The following ARHGEF33 variants were observed in gnomAD, a reference collection of about 807,000 sequenced individuals.
ARHGEF33 encodes Rho guanine nucleotide exchange factor 33, also known as DH and coiled-coil domain-containing protein ENSP00000381780.
In ARHGEF33, 72 loss-of-function variants were observed where a neutral mutation model predicts 101.9. That is an observed-to-expected ratio of 0.71 (90% CI 0.58 to 0.86). The LOEUF is 0.86. Ranked by LOEUF, ARHGEF33 falls within the 40% of genes least tolerant of loss-of-function variation. The probability of loss-of-function intolerance (pLI) is 0.00; values close to 1 mark genes in which losing one functional copy is unlikely to be tolerated. For missense variants in ARHGEF33, 1,169 were observed against 1,111.3 expected (o/e 1.05, Z -0.74); for synonymous variants, 499 against 442.5 (o/e 1.13, Z -1.60).
At chr2:38,897,403 C>T (rs1051010195) in intron 2 of ARHGEF33, among the ~76,000 whole-genome samples, 2 of 152,182 alleles carry the variant, frequency 1.3e-5, no homozygotes, top group African/African-American at 4.8e-5. Context: ...TACCTCTAAA[C>T]AATAACTGAA....
chr2:38,908,055 G>A (rs534607372), intron 2 of ARHGEF33, among the ~76,000 whole-genome samples: 4 of 151,702 alleles, frequency 2.6e-5, no homozygotes, highest in Non-Finnish European at 5.9e-5. Context: ...TGTAAAGATA[G>A]GGTCTCACTA....
intron 10 of ARHGEF33, among the ~76,000 whole-genome samples, chr2:38,949,316 G>A (rs1473944289): frequency 6.6e-6 from 1 of 152,162 alleles, no homozygotes; most frequent in African/African-American, 2.4e-5. Flanking sequence ...AACTTGCGGT[G>A]CTGAAAGCAT....
intron 17 of ARHGEF33, among the ~76,000 whole-genome samples, chr2:38,970,781 T>C (rs1338620750): frequency 2.6e-5 from 4 of 152,236 alleles, no homozygotes; most frequent in Non-Finnish European, 5.9e-5. Flanking sequence ...GCTCATTTCC[T>C]TTGGGCTCTC....
rs140881614 is a variant in ARHGEF33 at position 38,920,964 on chromosome 2, G to A, written c.26-410G>A. 2.6e-5 allele frequency among the ~76,000 whole-genome samples: 4 copies of A among 152,208 alleles called. No homozygotes were observed. The East Asian group carries it at 7.7e-4, about 29-fold the overall frequency. On this transcript the variant is annotated intron_variant, in intron 3 of 17. Coordinates refer to ENST00000409978, the MANE Select transcript of ARHGEF33 (RefSeq NM_001145451.5). ...AGTAGAGGATATTTTATGCAAGCTC[G>A]CTGAGGTCACTAAGTGCCTGGTGAA...
chr2:38,937,269 A>G, intron 8 of ARHGEF33, 66 bp from the exon 9 acceptor site: 6 of 806,896 alleles, frequency 7.4e-6, no homozygotes, highest in Non-Finnish European at 1.2e-5. Context: ...GGTAACAAAC[A>G]TATTTTTTAA....
chr2:38,921,270 C>A, intron 3 of ARHGEF33, 104 bp from the exon 4 acceptor site: 1 of 729,620 alleles, frequency 1.4e-6, no homozygotes, highest in East Asian at 2.7e-5. Context: ...GTCGTGCGGG[C>A]ACAAATGTAG....
Position 38,952,002 on chromosome 2 carries a change from T to C in ARHGEF33, c.1053+881T>C, listed in dbSNP as rs532554318. ...TGTGAGCTGCAGTGGAGCAGCTGTG[T>C]TGTTCTACAAGGAATAGCTACTCAG... On this transcript the variant is annotated intron_variant, in intron 11 of 17. Coordinates refer to ENST00000409978, the MANE Select transcript of ARHGEF33 (RefSeq NM_001145451.5). Among the ~76,000 whole-genome samples, 7 of 152,332 alleles carry C rather than the reference T, an allele frequency of 4.6e-5. No homozygotes were observed. In the East Asian group the frequency reaches 1.4e-3, roughly 29 times the overall value.
intron 17 of ARHGEF33, among the ~76,000 whole-genome samples, chr2:38,970,057 ACT>A (rs1362238995): frequency 1.3e-5 from 2 of 152,132 alleles, no homozygotes; most frequent in South Asian, 4.1e-4. Context: ...TGTAGATGGT[ACT>A]CTCTCTTTTT....
At chr2:38,909,706 ATTTTT>A (rs71813216) in intron 2 of ARHGEF33, among the ~76,000 whole-genome samples, 2 of 111,854 alleles carry the variant, frequency 1.8e-5, no homozygotes. Flanking sequence ...TTCAAGGATG[ATTTTT>A]TTTTTTTTTT....
At chr2:38,948,380 G>A (rs1314580700) in intron 10 of ARHGEF33, among the ~76,000 whole-genome samples, 1 of 152,192 alleles carries the variant, frequency 6.6e-6, no homozygotes, top group Non-Finnish European at 1.5e-5. Context: ...AATGCTTGAT[G>A]GAGGCCTTAG....
intron 5 of ARHGEF33, 79 bp downstream of exon 5, chr2:38,929,150 G>C: frequency 8.8e-7 from 1 of 1,139,912 alleles, no homozygotes; most frequent in Admixed American, 2.5e-5. Flanking sequence ...CCTTTTTCTG[G>C]CTGGGCGTGG....
Position 38,957,785 on chromosome 2 carries a change from A to G in ARHGEF33, c.1371-249A>G, listed in dbSNP as rs914652779. On this transcript the variant is annotated intron_variant, in intron 14 of 17. Transcript: ENST00000409978. Reference sequence around the variant, plus strand: ...TGTCTCCCAAGCCAGGGTTCCTGTTATGGAAGCTGTCTCTCCATACCCCCA... The same window carrying G: ...TGTCTCCCAAGCCAGGGTTCCTGTTGTGGAAGCTGTCTCTCCATACCCCCA... The G allele has an allele frequency of 1.4e-5, 6 of 438,534 alleles. No individual in the cohort carries two copies. In the South Asian group the frequency reaches 2.3e-4, roughly 17 times the overall value. The allele number at this position is 438,534 out of a possible 1,614,324, so 27.2% of individuals were successfully genotyped here.
In ARHGEF33 at chr2:38,951,036, T is replaced by G. The variant is rs1174213646; in HGVS notation, c.968T>G (p.Leu323Arg). ...TACCTCGTCCAGCAGCACCTGGATC[T>G]GCTTCACGCACTGCAGGAAAGGGTC... ...LRYLVQQHLDLLHALQERVLK... is the reference protein window; with the variant it reads ...LRYLVQQHLDRLHALQERVLK... The change falls in exon 11 of 18, where the codon CTG becomes CGG. Residue 323 changes from leucine (L) to arginine (R), a missense_variant. Transcript: ENST00000409978. 1 of 1,552,206 alleles carries G rather than the reference T, an allele frequency of 6.4e-7. No individual in the cohort carries two copies.
In ARHGEF33 at chr2:38,937,496, A is replaced by G; in HGVS notation, c.727A>G (p.Lys243Glu). 2 of 1,548,584 alleles carry G rather than the reference A, an allele frequency of 1.3e-6. No homozygotes were observed. The highest frequency in any genetic ancestry group is 8.7e-7 in the Non-Finnish European group (1 of 1,144,406). ...YVTKDHPDKL[K>E]EAGQGRHSSL... is the part of the protein sequence containing the mutation. The stretch of plus-strand genomic sequence containing the variant: ...CACAAAAGACCACCCAGATAAACTC[A>G]AGGAGGCTGGCCAGGGTAGACACAG... Residue 243 changes from lysine (K) to glutamate (E), a missense_variant, in exon 9 of 18, where the codon AAG becomes GAG. Physicochemically the swap from Lys to Glu is moderately conservative, Grantham distance 56. Transcript: ENST00000409978.
intron 3 of ARHGEF33, among the ~76,000 whole-genome samples, chr2:38,920,623 G>T (rs1039691095): frequency 1.3e-5 from 2 of 151,886 alleles, no homozygotes; most frequent in African/African-American, 4.8e-5. Context: ...GGCCAAGCTG[G>T]TCTTGAACTC....
intron 1 of ARHGEF33, among the ~76,000 whole-genome samples, chr2:38,891,212 G>A (rs1665988954): frequency 1.3e-5 from 2 of 152,046 alleles, no homozygotes; most frequent in African/African-American, 2.4e-5. Context: ...GGGATTACAG[G>A]TGTGAGCCAC....
chr2:38,898,565 G>A (rs901017459), intron 2 of ARHGEF33, among the ~76,000 whole-genome samples: 3 of 152,132 alleles, frequency 2.0e-5, no homozygotes, highest in Non-Finnish European at 4.4e-5. Context: ...TATTAAGCAC[G>A]TATTGCTTTT....
Position 38,959,994 on chromosome 2 carries a change from G to A in ARHGEF33, c.1689G>A (p.Gln563=). The A allele has an allele frequency of 1.3e-6, 2 of 1,550,364 alleles. No homozygotes were observed. The highest frequency in any genetic ancestry group is 1.7e-6 in the Non-Finnish European group (2 of 1,146,464). The change falls in exon 16 of 18, where the codon CAG becomes CAA. Residue 563 remains glutamine (Q), a synonymous_variant. Coordinates refer to ENST00000409978, the MANE Select transcript of ARHGEF33 (RefSeq NM_001145451.5). ...CGACGCAGTTCTGCGCGGCCGAGCA[G>A]GACGTGAAGGCGCTGGCCGGGCCCC... ...LAPTQFCAAE[Q]DVKALAGPLQ...
chr2:38,893,495 C>T (rs1170468599), intron 1 of ARHGEF33, among the ~76,000 whole-genome samples: 1 of 152,170 alleles, frequency 6.6e-6, no homozygotes, highest in African/African-American at 2.4e-5. Flanking sequence ...TTCTACATAT[C>T]ATGCAAAGCC....
Sources: allele counts gnomAD v4.1 joint callset (sites outside exome capture counted in the v4.1 genomes callset), GRCh38; gene constraint gnomAD v4.1.1; transcripts MANE v1.5; gene names NCBI Gene and HGNC (gene_info 2026-07-23, HGNC 2026-07-21).